Variants in DSCAM observed in about 807,000 individuals in gnomAD.
DSCAM encodes DS cell adhesion molecule.
In DSCAM, 47 loss-of-function variants were observed where a neutral mutation model predicts 217.7. The observed-to-expected ratio is 0.22, with a 90% CI of 0.17 to 0.28. The LOEUF (loss-of-function observed/expected upper bound fraction) is 0.28. Ranked by LOEUF, DSCAM falls within the 10% of genes least tolerant of loss-of-function variation. The pLI, the probability that DSCAM is intolerant of heterozygous loss-of-function variation, is 1.00. For missense variants in DSCAM, 2,080 were observed against 2,618.3 expected (o/e 0.79, Z 4.49); for synonymous variants, 1,056 against 1,015.3 (o/e 1.04, Z -0.76).
chr21:40,142,495 G>T (rs900273419), intron 18 of DSCAM, 63 bp downstream of exon 18: 1 of 1,592,236 alleles, frequency 6.3e-7, no homozygotes. Flanking sequence ...ACTAGGAGGG[G>T]TCTGCAAATT....
intron 27 of DSCAM, among the ~76,000 whole-genome samples, chr21:40,064,523 C>T (rs1227394692): frequency 3.3e-5 from 5 of 152,178 alleles, no homozygotes; most frequent in African/African-American, 4.8e-5. Context: ...CAGCAGACCT[C>T]TCTTGGCTGC....
At chr21:40,609,716 T>C (rs1458453578) in intron 3 of DSCAM, among the ~76,000 whole-genome samples, 2 of 152,198 alleles carry the variant, frequency 1.3e-5, no homozygotes, top group African/African-American at 4.8e-5. Flanking sequence ...AAAAAAGATG[T>C]TGGGAAATAT....
At chr21:40,444,994 G>T (rs1203186930) in intron 3 of DSCAM, among the ~76,000 whole-genome samples, 2 of 152,140 alleles carry the variant, frequency 1.3e-5, no homozygotes, top group Admixed American at 1.3e-4. Context: ...ACAAAATATG[G>T]TTCTGGAGCC....
At chr21:40,222,927 T>C (rs905184258) in intron 11 of DSCAM, among the ~76,000 whole-genome samples, 5 of 152,196 alleles carry the variant, frequency 3.3e-5, no homozygotes, top group Admixed American at 6.5e-5. Flanking sequence ...AGATCTAAAG[T>C]CTAATGGAAG....
At chr21:40,744,455 A>G (rs1346002669) in intron 1 of DSCAM, among the ~76,000 whole-genome samples, 1 of 150,170 alleles carries the variant, frequency 6.7e-6, no homozygotes, top group African/African-American at 2.5e-5. Flanking sequence ...GAAACAACTG[A>G]GTTTGGAAAT....
At chr21:40,105,140 G>A (rs1213584607) in intron 20 of DSCAM, among the ~76,000 whole-genome samples, 2 of 152,054 alleles carry the variant, frequency 1.3e-5, no homozygotes, top group African/African-American at 4.8e-5. Flanking sequence ...TACATGATTG[G>A]GCTCAGAATT....
chr21:40,734,011 G>A (rs1045756893), intron 1 of DSCAM, among the ~76,000 whole-genome samples: 16 of 152,102 alleles, frequency 1.1e-4, no homozygotes, highest in African/African-American at 3.1e-4. Context: ...CGTAAACCCC[G>A]ACATCACTTA....
intron 3 of DSCAM, among the ~76,000 whole-genome samples, chr21:40,664,731 G>A (rs1276993002): frequency 6.6e-6 from 1 of 152,194 alleles, no homozygotes; most frequent in African/African-American, 2.4e-5. Flanking sequence ...CAGTGGATGT[G>A]ACGAAGAACC....
intron 11 of DSCAM, among the ~76,000 whole-genome samples, chr21:40,192,428 C>A (rs1025144520): frequency 2.0e-5 from 3 of 152,172 alleles, no homozygotes; most frequent in South Asian, 2.1e-4. Flanking sequence ...TTATGAGGGG[C>A]TTTCCGCCCT....
At chr21:40,744,943 A>G (rs142891376) in intron 1 of DSCAM, among the ~76,000 whole-genome samples, 136 of 152,352 alleles carry the variant, frequency 8.9e-4, no homozygotes, top group African/African-American at 2.4e-3. Context: ...TGAGAAATTT[A>G]GCAAGTAAAT....
chr21:40,769,803 C>T (rs937920318), intron 1 of DSCAM, among the ~76,000 whole-genome samples: 3 of 152,184 alleles, frequency 2.0e-5, no homozygotes. Flanking sequence ...CCTTCACCAA[C>T]CCCCAGGTGG....
chr21:40,044,371 G>T, intron 30 of DSCAM, 96 bp from the exon 31 acceptor site: 1 of 1,273,638 alleles, frequency 7.9e-7, no homozygotes, highest in Non-Finnish European at 1.1e-6. Context: ...CAGCACTGCC[G>T]ACTCGCCCAC....
intron 6 of DSCAM, among the ~76,000 whole-genome samples, chr21:40,343,229 C>A (rs2074518915): frequency 6.6e-6 from 1 of 152,116 alleles, no homozygotes; most frequent in Non-Finnish European, 1.5e-5. Context: ...TTGTAAACAA[C>A]AATGCCTGTA....
rs2837390 is a variant in DSCAM, at chr21:40,048,979, T to A, written c.5185+2979A>T. On this transcript the variant is annotated intron_variant, in intron 30 of 32. Coordinates refer to ENST00000400454, the MANE Select transcript of DSCAM (RefSeq NM_001389.5). ...TTTGAGGAAGATTTAATGAAAAAAA[T>A]GATCCAGCAGATCTTTTACTAATAC... Among the ~76,000 whole-genome samples, 61 of 111,940 alleles carry A rather than the reference T, an allele frequency of 5.4e-4. 1 individual carries two copies. The South Asian group carries it at 0.016, about 29-fold the overall frequency. 73.4% of individuals were successfully genotyped at this position (111,940 alleles called of 152,430 possible). A position where few individuals can be genotyped will look rare whatever the true frequency, so the allele number is the denominator to read the frequency against.
intron 3 of DSCAM, among the ~76,000 whole-genome samples, chr21:40,633,388 C>A (rs2089717410): frequency 6.6e-6 from 1 of 152,158 alleles, no homozygotes; most frequent in South Asian, 2.1e-4. Context: ...GAGCAGGGAC[C>A]CACAGCTCAG....
intron 3 of DSCAM, among the ~76,000 whole-genome samples, chr21:40,495,550 T>G (rs1007159459): frequency 6.6e-6 from 1 of 152,208 alleles, no homozygotes; most frequent in Non-Finnish European, 1.5e-5. Flanking sequence ...ATAAAGGGCA[T>G]ATGTGACAAA....
In DSCAM at chr21:40,030,433, C is replaced by T. The variant is rs116086994; in HGVS notation, c.5686+11938G>A. Among the ~76,000 whole-genome samples, 895 of 152,086 alleles carry T rather than the reference C, an allele frequency of 5.9e-3. 10 individuals are homozygous for T. The highest frequency in any genetic ancestry group is 0.021 in the African/African-American group (856 of 41,474). On this transcript the variant is annotated intron_variant, in intron 32 of 32. Coordinates refer to ENST00000400454, the MANE Select transcript of DSCAM (RefSeq NM_001389.5). Reference sequence around the variant, plus strand: ...GGGGAGTATTTTGGAAAGAATGGCCCGGAAAGGCCTCTCAGGCAATGAGAC... The same window carrying T: ...GGGGAGTATTTTGGAAAGAATGGCCTGGAAAGGCCTCTCAGGCAATGAGAC...
At chr21:40,083,320 T>C (rs1390499872) in intron 24 of DSCAM, among the ~76,000 whole-genome samples, 12 of 152,152 alleles carry the variant, frequency 7.9e-5, no homozygotes, top group Admixed American at 7.9e-4. Context: ...TCCCAGCTAC[T>C]TGGGAGGTTG....
At position 40,076,463 on chromosome 21, in the gene DSCAM, T is replaced by C. The variant is rs567063972; in HGVS notation, c.4712-1250A>G. 7.2e-5 allele frequency among the ~76,000 whole-genome samples: 11 copies of C among 152,292 alleles called. No individual in the cohort carries two copies. The South Asian group carries it at 2.3e-3, about 32-fold the overall frequency. ...AAAGTTCTTCAGGCAGATGTGACAATAGAGGCTATCCATTCATGAGACTGG... is the reference window on the plus strand; with the variant it reads ...AAAGTTCTTCAGGCAGATGTGACAACAGAGGCTATCCATTCATGAGACTGG... On this transcript the variant is annotated intron_variant, in intron 26 of 32. Transcript: ENST00000400454.
Sources: allele counts gnomAD v4.1 joint callset (sites outside exome capture counted in the v4.1 genomes callset), GRCh38; gene constraint gnomAD v4.1.1; transcripts MANE v1.5; gene names NCBI Gene and HGNC (gene_info 2026-07-23, HGNC 2026-07-21).